The following SUSD4 variants were observed in gnomAD, a reference collection of about 807,000 sequenced individuals.
SUSD4 encodes the protein sushi domain-containing protein 4.
SUSD4 carries 41 observed loss-of-function variants against 50.5 expected under a neutral mutation model. The observed-to-expected ratio is 0.81, with a 90% CI of 0.63 to 1.05. The LOEUF (loss-of-function observed/expected upper bound fraction) is 1.05, where lower values mean the gene tolerates loss of function less well. Ranked by LOEUF, SUSD4 falls within the 50% of genes least tolerant of loss-of-function variation. The pLI is 0.00. For missense variants in SUSD4, 580 were observed against 634.7 expected (o/e 0.91, Z 0.93); for synonymous variants, 257 against 257.3 (o/e 1.00, Z 0.01).
In SUSD4 at chr1:223,238,153, T is replaced by C. The variant is rs575912165; in HGVS notation, c.725-8765A>G. Among the ~76,000 whole-genome samples the C allele has an allele frequency of 1.1e-4, 17 of 152,176 alleles. No individual in the cohort carries two copies. In the South Asian group the frequency reaches 3.5e-3, roughly 31 times the overall value. ...AGCATACAGTTGTTCAGAGCATTCC[T>C]TTATTATCCTCCTAATGTCCATGGG... On this transcript the variant is annotated intron_variant, in intron 5 of 8. Coordinates refer to ENST00000366878, the MANE Select transcript of SUSD4 (RefSeq NM_017982.4).
At chr1:223,361,036 A>G (rs1668947597) in intron 2 of SUSD4, among the ~76,000 whole-genome samples, 1 of 152,214 alleles carries the variant, frequency 6.6e-6, no homozygotes, top group Non-Finnish European at 1.5e-5. Context: ...CTGGGAGCTT[A>G]TTAGAAATGC....
chr1:223,258,540 C>T lies in SUSD4; in HGVS notation c.724+6090G>A, dbSNP rs141680525. On this transcript the variant is annotated intron_variant, in intron 5 of 8. Transcript: ENST00000366878. Reference sequence around the variant, plus strand: ...GGGGCTGGGGGGAGTCACCTGGGGGCATTCTGGGTTTGGGGACTGGGCAGA... The same window carrying T: ...GGGGCTGGGGGGAGTCACCTGGGGGTATTCTGGGTTTGGGGACTGGGCAGA... 9.2e-3 allele frequency among the ~76,000 whole-genome samples: 1,391 copies of T among 151,206 alleles called. 20 individuals carry two copies. The highest frequency in any genetic ancestry group is 0.032 in the African/African-American group (1,298 of 41,140).
intron 4 of SUSD4, among the ~76,000 whole-genome samples, chr1:223,265,213 G>A (rs1662409152): frequency 6.6e-6 from 1 of 152,186 alleles, no homozygotes; most frequent in African/African-American, 2.4e-5. Context: ...GAATCACCGA[G>A]GTGCTGTAAG....
At chr1:223,280,291 C>T (rs1663611465) in intron 3 of SUSD4, among the ~76,000 whole-genome samples, 1 of 152,096 alleles carries the variant, frequency 6.6e-6, no homozygotes. Flanking sequence ...CACAGACTGG[C>T]AAATTGGATA....
intron 2 of SUSD4, among the ~76,000 whole-genome samples, chr1:223,307,248 T>G (rs981798540): frequency 6.6e-6 from 1 of 152,214 alleles, no homozygotes; most frequent in African/African-American, 2.4e-5. Context: ...TCAACATGCC[T>G]ATGGCTATTT....
At chr1:223,313,713 A>G (rs2176505) in intron 2 of SUSD4, among the ~76,000 whole-genome samples, 82,076 of 151,884 alleles carry the variant, frequency 0.54, 22,179 homozygotes, top group African/African-American at 0.58. Flanking sequence ...CTGATAAAAG[A>G]ATGCTGTAAA....
intron 2 of SUSD4, among the ~76,000 whole-genome samples, chr1:223,337,550 A>G (rs1558262691): frequency 6.6e-6 from 1 of 152,206 alleles, no homozygotes; most frequent in East Asian, 1.9e-4. Flanking sequence ...TAATAGCAGA[A>G]GCTCTACTGC....
intron 5 of SUSD4, among the ~76,000 whole-genome samples, chr1:223,245,926 T>C (rs1272475227): frequency 6.6e-6 from 1 of 152,172 alleles, no homozygotes; most frequent in African/African-American, 2.4e-5. Context: ...GTTTATTTGT[T>C]TCATGGCAAG....
chr1:223,327,052 T>C (rs897179780), intron 2 of SUSD4, among the ~76,000 whole-genome samples: 1 of 152,204 alleles, frequency 6.6e-6, no homozygotes, highest in African/African-American at 2.4e-5. Context: ...TGTATGTTTA[T>C]AGCAGCACAA....
At chr1:223,274,615 T>C (rs924948492) in intron 3 of SUSD4, among the ~76,000 whole-genome samples, 11 of 152,350 alleles carry the variant, frequency 7.2e-5, no homozygotes, top group Non-Finnish European at 1.5e-4. Context: ...GTCTGGTGCA[T>C]AGATTGGAAT....
rs1283412669 is a variant in SUSD4, at chr1:223,221,174, G to A, written c.*1018C>T. 7.5e-6 allele frequency: 3 copies of A among 400,560 alleles called. No individual in the cohort carries two copies. The highest frequency in any genetic ancestry group is 3.1e-4 in the Middle Eastern group (1 of 3,228). 24.8% of individuals were successfully genotyped at this position (400,560 alleles called of 1,614,324 possible). A position where few individuals can be genotyped will look rare whatever the true frequency, so the allele number is the denominator to read the frequency against. Reference sequence around the variant, plus strand: ...TCCTGGAATCTTAGGACAAATAAAAGGGGGAAAAATCCAACCTCACACTTC... The same window carrying A: ...TCCTGGAATCTTAGGACAAATAAAAAGGGGAAAAATCCAACCTCACACTTC... On this transcript the variant is annotated 3_prime_UTR_variant, in exon 9 of 9. Coordinates refer to ENST00000366878, the MANE Select transcript of SUSD4 (RefSeq NM_017982.4).
Position 223,332,756 on chromosome 1 carries a change from T to C in SUSD4, c.148+30522A>G, listed in dbSNP as rs543275293. On this transcript the variant is annotated intron_variant, in intron 2 of 8. Coordinates refer to ENST00000366878, the MANE Select transcript of SUSD4 (RefSeq NM_017982.4). This position sits in a 1 kb window ranked among gnomAD's most constrained non-coding sequence, Gnocchi z 4.0. ...AAACGGAACCAGGGGTAAAACTTCC[T>C]GCTGAGGCTCGGAGGTCTAAGGTTT... Among the ~76,000 whole-genome samples the C allele has an allele frequency of 1.3e-5, 2 of 152,146 alleles. No homozygotes were observed. Among genetic ancestry groups the C allele is most frequent in the Non-Finnish European group, 2.9e-5 (2 of 68,014 alleles).
intron 5 of SUSD4, among the ~76,000 whole-genome samples, chr1:223,252,236 A>ATATATATATATAT (rs1553285715): frequency 3.3e-5 from 3 of 89,728 alleles, no homozygotes; most frequent in African/African-American, 1.2e-4. Flanking sequence ...AAAAAAAAAA[A>ATATATATATATAT]ATATATATAT....
At chr1:223,239,210 T>C (rs1232552674) in intron 5 of SUSD4, among the ~76,000 whole-genome samples, 2 of 152,090 alleles carry the variant, frequency 1.3e-5, no homozygotes, top group African/African-American at 4.8e-5. Context: ...TACTTTCTTT[T>C]ATTTATATTA....
intron 2 of SUSD4, among the ~76,000 whole-genome samples, chr1:223,316,694 A>T (rs1356480): frequency 0.15 from 22,902 of 152,096 alleles, 2,090 homozygotes; most frequent in East Asian, 0.25. Flanking sequence ...TGGGGCTCAC[A>T]TTCACACACC....
chr1:223,222,310 T>C, intron 8 of SUSD4, 90 bp from the exon 9 acceptor site: 2 of 1,392,408 alleles, frequency 1.4e-6, no homozygotes, highest in Non-Finnish European at 1.0e-6. Flanking sequence ...TATCTACAGT[T>C]TCTCAAATCA....
chr1:223,323,746 G>A (rs149793606), intron 2 of SUSD4, among the ~76,000 whole-genome samples: 47 of 152,218 alleles, frequency 3.1e-4, no homozygotes, highest in Admixed American at 2.4e-3. Flanking sequence ...ATGACAAAAG[G>A]GCAAGGACTC....
intron 5 of SUSD4, among the ~76,000 whole-genome samples, chr1:223,248,860 A>G (rs1190463166): frequency 6.6e-6 from 1 of 152,126 alleles, no homozygotes; most frequent in African/African-American, 2.4e-5. Flanking sequence ...AAAAAAAAAA[A>G]TGGCTTCACA....
intron 2 of SUSD4, among the ~76,000 whole-genome samples, chr1:223,309,131 G>A (rs1458421469): frequency 1.3e-5 from 2 of 152,030 alleles, no homozygotes; most frequent in Non-Finnish European, 2.9e-5. Context: ...GTAAGACATA[G>A]AACAAAAACA....
Sources: allele counts gnomAD v4.1 joint callset (sites outside exome capture counted in the v4.1 genomes callset), GRCh38; gene constraint gnomAD v4.1.1; non-coding constraint Gnocchi (gnomAD v3.1); transcripts MANE v1.5; gene names NCBI Gene and HGNC (gene_info 2026-07-23, HGNC 2026-07-21).